The following CTNNBL1 variants were observed in gnomAD, a reference collection of about 807,000 sequenced individuals.
CTNNBL1 encodes the protein catenin beta like 1.
CTNNBL1 carries 31 observed loss-of-function variants against 72.7 expected under a neutral mutation model. The observed-to-expected ratio is 0.43, with a 90% CI of 0.32 to 0.58. The LOEUF is 0.58. Among genes scored for constraint, CTNNBL1 ranks in the 20% least tolerant of loss-of-function variants. The pLI, the probability that CTNNBL1 is intolerant of heterozygous loss-of-function variation, is 0.08. For missense variants in CTNNBL1, 534 were observed against 725.1 expected, an observed-to-expected ratio of 0.74 and a Z score of 3.03; for synonymous variants, 240 against 267.3, an observed-to-expected ratio of 0.90 and a Z score of 1.00.
At chr20:37,752,751 G>A (rs1234117316) in intron 4 of CTNNBL1, among the ~76,000 whole-genome samples, 1 of 152,050 alleles carries the variant, frequency 6.6e-6, no homozygotes, top group Non-Finnish European at 1.5e-5. Context: ...TGCCCAGCTG[G>A]TCTTTTCTGG....
At chr20:37,828,983 A>C (rs1398293160) in intron 11 of CTNNBL1, among the ~76,000 whole-genome samples, 1 of 152,238 alleles carries the variant, frequency 6.6e-6, no homozygotes, top group Non-Finnish European at 1.5e-5. Context: ...CCAGTGCCAG[A>C]CATGGAACAG....
intron 10 of CTNNBL1, among the ~76,000 whole-genome samples, chr20:37,790,754 G>A: frequency 6.6e-6 from 1 of 152,184 alleles, no homozygotes; most frequent in South Asian, 2.1e-4. Context: ...AGACCTCATA[G>A]CTATTCATCA....
chr20:37,748,411 T>C (rs1278839347), intron 4 of CTNNBL1, among the ~76,000 whole-genome samples: 1 of 152,190 alleles, frequency 6.6e-6, no homozygotes, highest in Non-Finnish European at 1.5e-5. Flanking sequence ...AGAACCCTAG[T>C]TAGCTTGCTG....
chr20:37,859,886 C>T lies in CTNNBL1; in HGVS notation c.1393-13C>T, dbSNP rs2072475530. ...TGTCCAGCTTTTATTCCTAAACGTT[C>T]ATTTGTTTCTAGGACATGGTCCGGC... On this transcript the variant is annotated splice_polypyrimidine_tract_variant and intron_variant, in intron 13 of 15. Transcript: ENST00000361383. 2 of 1,613,130 alleles carry T rather than the reference C, an allele frequency of 1.2e-6. No individual in the cohort carries two copies. Among genetic ancestry groups the T allele is most frequent in the Non-Finnish European group, 1.7e-6 (2 of 1,179,512 alleles).
chr20:37,835,707 A>G (rs548720117), intron 11 of CTNNBL1, among the ~76,000 whole-genome samples: 1 of 152,358 alleles, frequency 6.6e-6, no homozygotes, highest in Non-Finnish European at 1.5e-5. Context: ...TCATTGCAGC[A>G]TTGCTTCTAA....
At chr20:37,769,501 G>A (rs999986051) in intron 7 of CTNNBL1, among the ~76,000 whole-genome samples, 18 of 152,156 alleles carry the variant, frequency 1.2e-4, no homozygotes, top group African/African-American at 3.9e-4. Flanking sequence ...TTGTATTCAT[G>A]TCTTTTAGCT....
intron 2 of CTNNBL1, 21 bp from the exon 3 acceptor site, chr20:37,737,357 G>C (rs374758112): frequency 6.3e-7 from 1 of 1,575,942 alleles, no homozygotes; most frequent in Admixed American, 1.7e-5. Context: ...TGAAGTTTTT[G>C]CATTTGTCTC....
At chr20:37,800,614 C>T (rs1338335737) in intron 10 of CTNNBL1, among the ~76,000 whole-genome samples, 1 of 152,146 alleles carries the variant, frequency 6.6e-6, no homozygotes, top group African/African-American at 2.4e-5. Flanking sequence ...TAAATATTTA[C>T]ATGTATATTA....
chr20:37,831,362 CTTTTCTTTTTTTTT>C (rs2072208025), intron 11 of CTNNBL1, among the ~76,000 whole-genome samples: 1 of 53,442 alleles, frequency 1.9e-5, no homozygotes, highest in South Asian at 8.8e-4. Flanking sequence ...TTTTCTTTTT[CTTTTCTTTTTTTTT>C]TTTTTTTGAG....
intron 1 of CTNNBL1, among the ~76,000 whole-genome samples, chr20:37,720,171 G>A (rs2122575844): frequency 6.6e-6 from 1 of 152,244 alleles, no homozygotes; most frequent in Admixed American, 6.5e-5. Flanking sequence ...GGGACCACAG[G>A]CGCCTGCCAC....
At chr20:37,702,732 C>T (rs985739883) in intron 1 of CTNNBL1, among the ~76,000 whole-genome samples, 1 of 152,180 alleles carries the variant, frequency 6.6e-6, no homozygotes, top group African/African-American at 2.4e-5. Flanking sequence ...GCCCATTCTT[C>T]TCACACTTAC....
intron 1 of CTNNBL1, among the ~76,000 whole-genome samples, chr20:37,724,892 G>A (rs1037337327): frequency 2.6e-5 from 4 of 151,734 alleles, no homozygotes; most frequent in East Asian, 3.9e-4. Flanking sequence ...GTCCGAGGGC[G>A]GGTGGTCCTG....
chr20:37,737,337 C>T (rs765404606), intron 2 of CTNNBL1, 41 bp from the exon 3 acceptor site: 3 of 1,375,912 alleles, frequency 2.2e-6, no homozygotes, highest in Non-Finnish European at 3.1e-6. Context: ...AATGTGAAAC[C>T]CCTGTGGACT....
At chr20:37,697,791 T>C (rs2072806771) in intron 1 of CTNNBL1, among the ~76,000 whole-genome samples, 1 of 152,208 alleles carries the variant, frequency 6.6e-6, no homozygotes, top group Non-Finnish European at 1.5e-5. Context: ...CAGTACTTAA[T>C]ATGTTAATAT....
At chr20:37,793,604 C>CTT (rs2073745023) in intron 10 of CTNNBL1, among the ~76,000 whole-genome samples, 1 of 152,124 alleles carries the variant, frequency 6.6e-6, no homozygotes, top group African/African-American at 2.4e-5. Context: ...GACCCTAATC[C>CTT]AAAAAGAGGC....
chr20:37,860,484 G>A, intron 15 of CTNNBL1, 140 bp downstream of exon 15: 1 of 693,132 alleles, frequency 1.4e-6, no homozygotes, highest in Non-Finnish European at 2.5e-6. Context: ...TTCACTGTGT[G>A]TCCAGGTCGT....
At chr20:37,707,848 C>T (rs1231848387) in intron 1 of CTNNBL1, among the ~76,000 whole-genome samples, 1 of 152,136 alleles carries the variant, frequency 6.6e-6, no homozygotes, top group African/African-American at 2.4e-5. Context: ...CTTTCTTTCA[C>T]TTGAACACTT....
chr20:37,730,473 A>T (rs1199872297), intron 1 of CTNNBL1, among the ~76,000 whole-genome samples: 1 of 152,210 alleles, frequency 6.6e-6, no homozygotes, highest in Admixed American at 6.5e-5. Context: ...TATAATGTCC[A>T]TTTACAGATG....
chr20:37,811,994 G>A (rs1021746464), intron 11 of CTNNBL1, among the ~76,000 whole-genome samples: 2 of 152,188 alleles, frequency 1.3e-5, no homozygotes, highest in African/African-American at 4.8e-5. Flanking sequence ...CACCAGGGTG[G>A]CTCCAGTGGT....
Sources: gnomAD v4.1 joint callset for allele counts (sites outside exome capture counted in the v4.1 genomes callset) on GRCh38, gnomAD v4.1.1 for gene constraint, MANE v1.5 for transcripts, NCBI Gene and HGNC (gene_info 2026-07-23, HGNC 2026-07-21) for gene names.